PBLD: variants seen among roughly 807,000 people sequenced by gnomAD.
PBLD encodes the protein phenazine biosynthesis like protein domain containing, also known as phenazine biosynthesis-like domain-containing protein.
Under a neutral mutation model 31.3 loss-of-function variants are expected in PBLD, and 26 were observed. That is an observed-to-expected ratio of 0.83 (90% confidence interval 0.61 to 1.15). PBLD has a LOEUF of 1.15. Ranked by LOEUF, PBLD falls within the 50% of genes most tolerant of loss-of-function variation. The probability of loss-of-function intolerance (pLI) is 0.00; values close to 1 mark genes in which losing one functional copy is unlikely to be tolerated. For missense variants in PBLD, 307 were observed against 351.7 expected, an observed-to-expected ratio of 0.87 and a Z score of 1.02; for synonymous variants, 114 against 129.0, an observed-to-expected ratio of 0.88 and a Z score of 0.79.
At chr10:68,313,019 G>A (rs2044691664) in intron 1 of PBLD, among the ~76,000 whole-genome samples, 1 of 151,728 alleles carries the variant, frequency 6.6e-6, no homozygotes. Context: ...AGGCTCAGGT[G>A]ATTCTCCCAC....
chr10:68,290,225 T>C (rs1182702289), intron 6 of PBLD, among the ~76,000 whole-genome samples: 1 of 152,148 alleles, frequency 6.6e-6, no homozygotes, highest in Non-Finnish European at 1.5e-5. Flanking sequence ...TAATCCTTGT[T>C]AGAGGCCAAG....
intron 4 of PBLD, chr10:68,295,942 C>T: frequency 6.0e-6 from 1 of 166,936 alleles, no homozygotes; most frequent in South Asian, 1.8e-4. Flanking sequence ...GCCTGGGCAA[C>T]ACAGTGAGAC....
intron 2 of PBLD, among the ~76,000 whole-genome samples, chr10:68,298,423 T>C (rs1452841834): frequency 1.3e-5 from 2 of 152,154 alleles, no homozygotes; most frequent in Non-Finnish European, 2.9e-5. Flanking sequence ...ACCCTGGAGT[T>C]GGAGACCAGC....
chr10:68,307,232 G>A (rs1213380895), intron 1 of PBLD, among the ~76,000 whole-genome samples: 3 of 152,002 alleles, frequency 2.0e-5, no homozygotes, highest in African/African-American at 7.2e-5. Context: ...TTTTCACGGT[G>A]TAGGCCAGGC....
intron 1 of PBLD, chr10:68,332,080 A>C (rs921748199): frequency 6.6e-5 from 10 of 152,262 alleles, no homozygotes; most frequent in Non-Finnish European, 1.5e-4. Context: ...TGTGCTGCGC[A>C]GCTCCCTAAG....
At chr10:68,325,861 C>A (rs144783363) in intron 1 of PBLD, among the ~76,000 whole-genome samples, 6 of 152,324 alleles carry the variant, frequency 3.9e-5, no homozygotes, top group Non-Finnish European at 5.9e-5. Context: ...TTCTCTGAAG[C>A]CCTAGACTGT....
intron 2 of PBLD, among the ~76,000 whole-genome samples, chr10:68,298,782 AC>A (rs1463105027): frequency 4.6e-5 from 7 of 151,518 alleles, no homozygotes; most frequent in African/African-American, 7.3e-5. Flanking sequence ...ACACACACAC[AC>A]ACACACACAC....
intron 1 of PBLD, among the ~76,000 whole-genome samples, chr10:68,320,819 C>T (rs1040582413): frequency 7.0e-6 from 1 of 142,412 alleles, no homozygotes; most frequent in African/African-American, 2.7e-5. Context: ...GTGCTCAACC[C>T]CCTTTTTTTT....
chr10:68,288,573 T>C lies in PBLD; in HGVS notation c.601A>G (p.Lys201Glu). 1 of 1,614,234 alleles carries C rather than the reference T, an allele frequency of 6.2e-7. No homozygotes were observed. The highest frequency in any genetic ancestry group is 8.5e-7 in the Non-Finnish European group (1 of 1,180,040). Reference protein sequence around the residue: ...GKVKGLILTLKGEPGGQTQAF... With the variant: ...GKVKGLILTLEGEPGGQTQAF... ...TGGGTCTGCCCACCAGGCTCTCCTT[T>C]AAGGGTAAGAATAAGCCCTTTCACC... Residue 201 changes from lysine (K) to glutamate (E), a missense_variant, in exon 8 of 10, where the codon AAA becomes GAA. Lys to Glu is a moderately conservative substitution (Grantham distance 56, BLOSUM62 1). Transcript: ENST00000358769.
chr10:68,332,089 A>G (rs562428792), intron 1 of PBLD: 9 of 152,322 alleles, frequency 5.9e-5, no homozygotes, highest in East Asian at 1.9e-4. Context: ...CAGCTCCCTA[A>G]GCGGTTGTCA....
At chr10:68,303,492 A>G (rs1032754056) in intron 2 of PBLD, among the ~76,000 whole-genome samples, 13 of 151,454 alleles carry the variant, frequency 8.6e-5, no homozygotes, top group Admixed American at 7.2e-4. Context: ...CATGTGAAAA[A>G]TTTAAAAATT....
intron 8 of PBLD, among the ~76,000 whole-genome samples, chr10:68,286,118 C>T (rs1180766626): frequency 2.7e-5 from 3 of 111,018 alleles, no homozygotes; most frequent in East Asian, 2.9e-4. Flanking sequence ...GACGGAGTCT[C>T]GCTCTGTCGC....
At position 68,311,110 on chromosome 10, in the gene PBLD, G is replaced by A. The variant is rs529088318; in HGVS notation, c.-59-4207C>T. On this transcript the variant is annotated intron_variant, in intron 1 of 9. Transcript: ENST00000358769. ...TGGGTACACACCATTAACGTACACC[G>A]CTGAAAGCACACTGGGCTTTCAGTG... 8.4e-4 allele frequency among the ~76,000 whole-genome samples: 128 copies of A among 152,184 alleles called. 2 individuals carry two copies. Among genetic ancestry groups the A allele is most frequent in the African/African-American group, 2.8e-3 (116 of 41,528 alleles).
intron 1 of PBLD, among the ~76,000 whole-genome samples, chr10:68,307,419 A>G (rs1193568138): frequency 6.6e-6 from 1 of 152,146 alleles, no homozygotes; most frequent in Non-Finnish European, 1.5e-5. Flanking sequence ...TTGACTTTTC[A>G]TATTATACAT....
intron 1 of PBLD, among the ~76,000 whole-genome samples, chr10:68,316,501 A>G (rs1047181050): frequency 3.3e-5 from 5 of 152,212 alleles, no homozygotes; most frequent in Admixed American, 2.0e-4. Flanking sequence ...TCTCTGGGAC[A>G]TCATCAAGTA....
intron 1 of PBLD, chr10:68,331,611 C>G (rs2045095732): frequency 6.6e-6 from 1 of 152,248 alleles, no homozygotes; most frequent in Non-Finnish European, 1.5e-5. Flanking sequence ...CATGGTGGAC[C>G]AGAAAATCCG....
intron 1 of PBLD, among the ~76,000 whole-genome samples, chr10:68,330,756 G>GTC (rs2045042759): frequency 7.4e-6 from 1 of 135,040 alleles, no homozygotes; most frequent in Admixed American, 7.5e-5. Context: ...GTGTGTGTGT[G>GTC]TATTTTTAGT....
intron 1 of PBLD, among the ~76,000 whole-genome samples, chr10:68,325,855 C>G (rs970228041): frequency 1.3e-5 from 2 of 152,222 alleles, no homozygotes; most frequent in African/African-American, 4.8e-5. Flanking sequence ...AAAGCTTTCT[C>G]TGAAGCCCTA....
rs191039287 is a variant in PBLD at position 68,297,096 on chromosome 10, G to T, written c.85-111C>A. On this transcript the variant is annotated intron_variant, in intron 2 of 9. Transcript: ENST00000358769. ...AGTTTAGCAATAATAAGAGTTACAC[G>T]CTTAAAAGGAAATAATTACCAAGGA... The T allele has an allele frequency of 4.8e-6, 4 of 831,036 alleles. No individual in the cohort carries two copies. In the African/African-American group the frequency reaches 6.9e-5, roughly 14 times the overall value. 51.5% of individuals were successfully genotyped at this position (831,036 alleles called of 1,614,324 possible). A position where few individuals can be genotyped will look rare whatever the true frequency, so the allele number is the denominator to read the frequency against.
Sources: allele counts gnomAD v4.1 joint callset (sites outside exome capture counted in the v4.1 genomes callset), GRCh38; gene constraint gnomAD v4.1.1; transcripts MANE v1.5; gene names NCBI Gene and HGNC (gene_info 2026-07-23, HGNC 2026-07-21).